ADHFE1: variants seen among roughly 807,000 people sequenced by gnomAD.
ADHFE1 encodes hydroxyacid-oxoacid transhydrogenase, mitochondrial.
Under a neutral mutation model 54.8 loss-of-function variants are expected in ADHFE1, and 37 were observed. The ratio of observed to expected loss-of-function variants is 0.68; its 90% CI spans 0.52 to 0.89. The LOEUF is 0.89. ADHFE1 is among the 40% of genes least tolerant of loss of function. The pLI, the probability that ADHFE1 is intolerant of heterozygous loss-of-function variation, is 0.00. For missense variants in ADHFE1, 601 were observed against 591.2 expected (o/e 1.02, Z -0.17); for synonymous variants, 203 against 229.3 (o/e 0.89, Z 1.04).
chr8:66,442,309 CT>C lies in ADHFE1; in HGVS notation c.98-470del, dbSNP rs1028439051. Among the ~76,000 whole-genome samples, 905 of 133,790 alleles carry C rather than the reference CT, an allele frequency of 6.8e-3. 2 individuals carry two copies. Among genetic ancestry groups the C allele is most frequent in the African/African-American group, 0.013 (464 of 36,536 alleles). 87.8% of individuals were successfully genotyped at this position (133,790 alleles called of 152,430 possible). On this transcript the variant is annotated intron_variant, in intron 2 of 13. Coordinates refer to ENST00000396623, the MANE Select transcript of ADHFE1 (RefSeq NM_144650.3). ...GGCTCAAGTTAGCATTACATTCTAT[CT>C]TTTTTTTTTTTTTTTTTTGAGACGG...
chr8:66,444,639 A>G lies in ADHFE1; in HGVS notation c.244A>G (p.Lys82Glu). The change falls in exon 5 of 14, where the codon AAG becomes GAG. Residue 82 changes from lysine to glutamate, a missense_variant. Lys to Glu is a moderately conservative substitution (Grantham distance 56). Coordinates refer to ENST00000396623, the MANE Select transcript of ADHFE1 (RefSeq NM_144650.3). The part of the protein sequence containing the change: ...GAKNVCLMTD[K>E]NLSKLPPVQV... ...TAAAAATGTGTGCTTGATGACAGAC[A>G]AGAACCTCTCCAAGCTCCCTCCTGT... 1.9e-6 allele frequency: 3 copies of G among 1,614,244 alleles called. No homozygotes were observed. Among genetic ancestry groups the G allele is most frequent in the Non-Finnish European group, 1.7e-6 (2 of 1,180,042 alleles).
chr8:66,438,521 A>G (rs910598932), intron 1 of ADHFE1, among the ~76,000 whole-genome samples: 4 of 152,170 alleles, frequency 2.6e-5, no homozygotes, highest in African/African-American at 9.7e-5. Flanking sequence ...TCATGCTGCT[A>G]GAGTGAGGTG....
At chr8:66,448,433 A>G (rs1384304026) in intron 7 of ADHFE1, among the ~76,000 whole-genome samples, 2 of 152,216 alleles carry the variant, frequency 1.3e-5, no homozygotes, top group African/African-American at 2.4e-5. Flanking sequence ...GTCTAATCTT[A>G]CAGAGAACTC....
chr8:66,460,262 C>T, intron 12 of ADHFE1, 46 bp from the exon 13 acceptor site: 2 of 1,608,304 alleles, frequency 1.2e-6, no homozygotes, highest in Non-Finnish European at 8.5e-7. Flanking sequence ...CCACCCAGAG[C>T]CCGTTTCTTC....
intron 10 of ADHFE1, 90 bp from the exon 11 acceptor site, chr8:66,456,727 G>T: frequency 2.1e-6 from 2 of 951,108 alleles, no homozygotes; most frequent in Non-Finnish European, 3.3e-6. Context: ...TCTAGAGGCC[G>T]TGACAGGCAT....
chr8:66,432,799 T>C, intron 1 of ADHFE1: 1 of 1,228,434 alleles, frequency 8.1e-7, no homozygotes, highest in Non-Finnish European at 1.0e-6. Context: ...ACTCTGCTTG[T>C]CTACCGTTAA....
intron 1 of ADHFE1, 50 bp downstream of exon 1, chr8:66,432,625 GC>G: frequency 7.8e-7 from 1 of 1,281,176 alleles, no homozygotes; most frequent in South Asian, 2.5e-5. Context: ...TGCCCACGCA[GC>G]CCCCTGGGTG....
chr8:66,436,727 G>T lies in ADHFE1; in HGVS notation c.60-3435G>T, dbSNP rs564447635. On this transcript the variant is annotated intron_variant, in intron 1 of 13. Coordinates refer to ENST00000396623, the MANE Select transcript of ADHFE1 (RefSeq NM_144650.3). ...AAAGGTATTTGAGACCATGAGACCA[G>T]GGGAGGTCACTAAGGGACTGAGTGT... 4.3e-4 allele frequency among the ~76,000 whole-genome samples: 65 copies of T among 152,330 alleles called. 2 individuals are homozygous for T. The highest frequency in any genetic ancestry group is 1.6e-3 in the African/African-American group (65 of 41,576).
rs151235321 is a variant in ADHFE1, at chr8:66,452,037, G to A, written c.819G>A (p.Gln273=). 78 of 1,614,214 alleles carry A rather than the reference G, an allele frequency of 4.8e-5. No homozygotes were observed. In the African/African-American group the frequency reaches 9.1e-4, roughly 19 times the overall value. ...ATCCCATCACACGGCCTGCGTACCA[G>A]GGCAGCAACCCAATCAGTGACATTT... The part of the protein sequence containing the change: ...PSNPITRPAY[Q]GSNPISDIWA... Residue 273 remains glutamine, a synonymous_variant, in exon 9 of 14, where the codon CAG becomes CAA. Transcript: ENST00000396623.
intron 13 of ADHFE1, among the ~76,000 whole-genome samples, chr8:66,461,022 A>G (rs1806871030): frequency 6.6e-6 from 1 of 152,214 alleles, no homozygotes; most frequent in Admixed American, 6.5e-5. Context: ...GAAGAATGTG[A>G]ATGGAGCTGC....
At chr8:66,465,325 A>G (rs931232197) in intron 13 of ADHFE1, among the ~76,000 whole-genome samples, 5 of 152,174 alleles carry the variant, frequency 3.3e-5, no homozygotes, top group Non-Finnish European at 7.3e-5. Flanking sequence ...ACCATTTTAC[A>G]TTTCCATTAA....
chr8:66,462,675 TGG>T (rs1806964178), intron 13 of ADHFE1, among the ~76,000 whole-genome samples: 1 of 152,206 alleles, frequency 6.6e-6, no homozygotes, highest in Non-Finnish European at 1.5e-5. Context: ...GGAAAATGTG[TGG>T]GTCCATCTCT....
At chr8:66,467,912 C>T (rs1484961243) in intron 13 of ADHFE1, among the ~76,000 whole-genome samples, 6 of 152,298 alleles carry the variant, frequency 3.9e-5, no homozygotes, top group South Asian at 2.1e-4. Flanking sequence ...ACTTCGGGGA[C>T]GACCCAGTTC....
chr8:66,440,937 A>G (rs1158728150), intron 2 of ADHFE1, among the ~76,000 whole-genome samples: 3 of 152,172 alleles, frequency 2.0e-5, no homozygotes, highest in African/African-American at 7.2e-5. Flanking sequence ...GAACAGAGAG[A>G]GTAACTCGCC....
At chr8:66,461,229 G>A (rs749713085) in intron 13 of ADHFE1, among the ~76,000 whole-genome samples, 1 of 152,250 alleles carries the variant, frequency 6.6e-6, no homozygotes, top group South Asian at 2.1e-4. Flanking sequence ...CACCATAGTC[G>A]CCATGCCCAG....
chr8:66,449,434 A>C (rs1255946239), intron 8 of ADHFE1, among the ~76,000 whole-genome samples: 1 of 152,258 alleles, frequency 6.6e-6, no homozygotes. Context: ...TAACACCTCC[A>C]GAGCACCCCC....
At chr8:66,450,518 A>G (rs977584256) in intron 8 of ADHFE1, among the ~76,000 whole-genome samples, 2 of 152,206 alleles carry the variant, frequency 1.3e-5, no homozygotes, top group African/African-American at 4.8e-5. Flanking sequence ...GACTCCATGG[A>G]CTTCTGGTCA....
intron 12 of ADHFE1, 147 bp downstream of exon 12, chr8:66,457,313 T>C: frequency 1.9e-6 from 1 of 519,582 alleles, no homozygotes; most frequent in Non-Finnish European, 3.1e-6. Context: ...ACCCCATCTC[T>C]ACCAAAAAAA....
chr8:66,455,736 A>G (rs538127720), intron 10 of ADHFE1, among the ~76,000 whole-genome samples: 1 of 152,346 alleles, frequency 6.6e-6, no homozygotes, highest in Admixed American at 6.5e-5. Flanking sequence ...CCTGGACAAC[A>G]TGGTGAAACC....
Sources: gnomAD v4.1 joint callset for allele counts (sites outside exome capture counted in the v4.1 genomes callset) on GRCh38, gnomAD v4.1.1 for gene constraint, MANE v1.5 for transcripts, NCBI Gene and HGNC (gene_info 2026-07-23, HGNC 2026-07-21) for gene names.